NAV3: variants seen among roughly 807,000 people sequenced by gnomAD.
NAV3 encodes neuron navigator 3.
In NAV3, 87 loss-of-function variants were observed where a neutral mutation model predicts 244.7. That is an observed-to-expected ratio of 0.36 (90% CI 0.30 to 0.42). NAV3 has a LOEUF of 0.42. Ranked by LOEUF, NAV3 falls within the 20% of genes least tolerant of loss-of-function variation. NAV3 has a pLI of 1.00. For missense variants in NAV3, 2,663 were observed against 2,893.3 expected, an observed-to-expected ratio of 0.92 and a Z score of 1.83; for synonymous variants, 1,126 against 1,042.2, an observed-to-expected ratio of 1.08 and a Z score of -1.55.
intron 20 of NAV3, among the ~76,000 whole-genome samples, chr12:78,142,693 A>ATTTATAGAC (rs1956674296): frequency 9.8e-6 from 1 of 101,986 alleles, no homozygotes; most frequent in African/African-American, 3.8e-5. Flanking sequence ...GTATATATAT[A>ATTTATAGAC]CATATGTATG....
chr12:77,979,258 G>A (rs1593181496), intron 5 of NAV3, among the ~76,000 whole-genome samples: 1 of 151,458 alleles, frequency 6.6e-6, no homozygotes, highest in East Asian at 2.0e-4. Context: ...CAGAAGTGGT[G>A]GTGTGTGCCT....
intron 2 of NAV3, among the ~76,000 whole-genome samples, chr12:77,810,249 G>A (rs910803661): frequency 2.0e-5 from 3 of 152,174 alleles, no homozygotes; most frequent in African/African-American, 4.8e-5. Context: ...TCCACTCACT[G>A]CAAGCTCCGC....
At chr12:78,117,645 C>G (rs1955479177) in intron 13 of NAV3, among the ~76,000 whole-genome samples, 1 of 151,378 alleles carries the variant, frequency 6.6e-6, no homozygotes, top group Non-Finnish European at 1.5e-5. Context: ...TTTTCATAGT[C>G]TAATTTTAGA....
At chr12:78,059,742 T>C (rs1395375073) in intron 12 of NAV3, among the ~76,000 whole-genome samples, 1 of 152,160 alleles carries the variant, frequency 6.6e-6, no homozygotes, top group African/African-American at 2.4e-5. Context: ...ATTATAAACA[T>C]AGACTTATTT....
At chr12:77,976,661 TC>T (rs1565979334) in intron 5 of NAV3, among the ~76,000 whole-genome samples, 41 of 92,680 alleles carry the variant, frequency 4.4e-4, no homozygotes, top group African/African-American at 1.3e-3. Context: ...TTTCTTTCTT[TC>T]TTTCTTTTTT....
At chr12:77,789,739 G>A (rs1264403726) in intron 2 of NAV3, among the ~76,000 whole-genome samples, 1 of 151,282 alleles carries the variant, frequency 6.6e-6, no homozygotes, top group South Asian at 2.1e-4. Flanking sequence ...GAACCTGGGA[G>A]GCGGACGTTG....
intron 12 of NAV3, among the ~76,000 whole-genome samples, chr12:78,070,982 T>C (rs1480460367): frequency 1.4e-5 from 2 of 147,148 alleles, no homozygotes; most frequent in Admixed American, 6.8e-5. Flanking sequence ...TTCCAAGTCT[T>C]TGCTGTTGTG....
Position 78,177,756 on chromosome 12 carries a change from T to G in NAV3, c.5363+71T>G, listed in dbSNP as rs949019093. 32 of 1,375,334 alleles carry G rather than the reference T, an allele frequency of 2.3e-5. No homozygotes were observed. The African/African-American group carries it at 4.1e-4, about 18-fold the overall frequency. 85.2% of individuals were successfully genotyped at this position (1,375,334 alleles called of 1,614,324 possible). A position where few individuals can be genotyped will look rare whatever the true frequency, so the allele number is the denominator to read the frequency against. On this transcript the variant is annotated intron_variant, in intron 28 of 39. Transcript: ENST00000397909. ...AACCTAAGTAGTGTTTGCTTTTGCT[T>G]TTTCTAAAATCACTCACATGCATTT...
At chr12:77,863,183 A>G (rs529375848) in intron 1 of NAV3, among the ~76,000 whole-genome samples, 33 of 152,052 alleles carry the variant, frequency 2.2e-4, no homozygotes, top group African/African-American at 7.7e-4. Context: ...CAAATATTAC[A>G]GAAAGGAAAT....
chr12:77,781,058 G>A (rs1160558448), intron 2 of NAV3, among the ~76,000 whole-genome samples: 1 of 152,138 alleles, frequency 6.6e-6, no homozygotes, highest in Non-Finnish European at 1.5e-5. Flanking sequence ...AAACAACACA[G>A]GTTTATTTGT....
Position 78,129,306 on chromosome 12 carries a change from T to C in NAV3, c.4441+440T>C, listed in dbSNP as rs190364573. On this transcript the variant is annotated intron_variant, in intron 18 of 39. Transcript: ENST00000397909. Reference sequence around the variant, plus strand: ...TAAAACATCCTTAAAACAAAATTAGTAATCTTTTGTAGAAAATAGAAACAA... The same window carrying C: ...TAAAACATCCTTAAAACAAAATTAGCAATCTTTTGTAGAAAATAGAAACAA... Among the ~76,000 whole-genome samples, 368 of 152,288 alleles carry C rather than the reference T, an allele frequency of 2.4e-3. 3 individuals carry two copies. Among genetic ancestry groups the C allele is most frequent in the African/African-American group, 8.6e-3 (357 of 41,558 alleles).
intron 2 of NAV3, among the ~76,000 whole-genome samples, chr12:77,808,157 C>T (rs559578406): frequency 2.0e-5 from 3 of 152,226 alleles, no homozygotes; most frequent in African/African-American, 7.2e-5. Context: ...TATTACCCAC[C>T]TTCTGAAGCC....
intron 18 of NAV3, 82 bp from the exon 19 acceptor site, chr12:78,137,095 A>G: frequency 7.8e-7 from 1 of 1,288,012 alleles, no homozygotes; most frequent in Admixed American, 2.3e-5. Context: ...AAGTATTGGG[A>G]TCATGTTCTT....
At chr12:78,024,848 G>A (rs887309035) in intron 9 of NAV3, among the ~76,000 whole-genome samples, 6 of 151,892 alleles carry the variant, frequency 4.0e-5, no homozygotes, top group Admixed American at 3.3e-4. Flanking sequence ...GGTGGCGGGC[G>A]CCTGTAGTCC....
chr12:78,021,772 G>C lies in NAV3; in HGVS notation c.1933G>C (p.Ala645Pro), dbSNP rs372709335. 6.2e-7 allele frequency: 1 copy of C among 1,607,888 alleles called. No individual in the cohort carries two copies. Among genetic ancestry groups the C allele is most frequent in the East Asian group, 2.3e-5 (1 of 44,440 alleles). ...YRAHSENEGT[A>P]LPSADSCTSP... ...GGCACATTCAGAAAATGAAGGTACC[G>C]CTTTACCATCGGCTGACTCCTGTAC... is the stretch of plus-strand genomic sequence containing the variant. Residue 645 changes from alanine (A) to proline (P), a missense_variant, in exon 9 of 40, where the codon GCT becomes CCT. Coordinates refer to ENST00000397909, the MANE Select transcript of NAV3 (RefSeq NM_001024383.2).
At chr12:78,104,488 A>G (rs1203063747) in intron 12 of NAV3, among the ~76,000 whole-genome samples, 2 of 152,290 alleles carry the variant, frequency 1.3e-5, no homozygotes, top group East Asian at 3.9e-4. Flanking sequence ...GCCTGCCTCT[A>G]ACTGTGAATC....
chr12:77,942,246 C>A (rs1889940710), intron 3 of NAV3, among the ~76,000 whole-genome samples: 2 of 152,028 alleles, frequency 1.3e-5, no homozygotes, highest in African/African-American at 4.8e-5. Flanking sequence ...GTGGCGCATG[C>A]CTATAATCCC....
At chr12:77,580,535 G>C (rs550861292) in intron 2 of NAV3, among the ~76,000 whole-genome samples, 106 of 152,142 alleles carry the variant, frequency 7.0e-4, no homozygotes, top group Non-Finnish European at 1.4e-3. Flanking sequence ...TATGTTCAAA[G>C]ACTTTATTTC....
intron 1 of NAV3, among the ~76,000 whole-genome samples, chr12:77,843,881 A>C (rs376801792): frequency 5.8e-4 from 89 of 152,204 alleles, no homozygotes; most frequent in African/African-American, 2.1e-3. Context: ...AAATATATAA[A>C]ATTTCAAAAC....
Sources: gnomAD v4.1 joint callset for allele counts (sites outside exome capture counted in the v4.1 genomes callset) on GRCh38, gnomAD v4.1.1 for gene constraint, MANE v1.5 for transcripts, NCBI Gene and HGNC (gene_info 2026-07-23, HGNC 2026-07-21) for gene names.